Variants in CHD6 observed in about 807,000 individuals in gnomAD.
CHD6 encodes the protein ATP-dependent chromatin remodeler CHD6.
In CHD6, 50 loss-of-function variants were observed where a neutral mutation model predicts 276.9. The observed-to-expected ratio is 0.18, with a 90% confidence interval of 0.14 to 0.23. The LOEUF is 0.23. CHD6 is among the 10% of genes least tolerant of loss of function. CHD6 has a pLI of 1.00. For missense variants in CHD6, 2,564 were observed against 3,365.8 expected, an observed-to-expected ratio of 0.76 and a Z score of 5.89; for synonymous variants, 1,173 against 1,229.3, an observed-to-expected ratio of 0.95 and a Z score of 0.96.
chr20:41,547,754 C>T, intron 2 of CHD6: 1 of 542,766 alleles, frequency 1.8e-6, no homozygotes, highest in Non-Finnish European at 3.6e-6. Flanking sequence ...AGATTGTCAA[C>T]ACTGCTCGAC....
chr20:41,406,312 A>G (rs2046673252), intron 36 of CHD6, among the ~76,000 whole-genome samples: 1 of 152,214 alleles, frequency 6.6e-6, no homozygotes, highest in African/African-American at 2.4e-5. Flanking sequence ...TAATTAGCAG[A>G]GAGTTCTGCA....
chr20:41,583,296 A>G (rs2045559884), intron 1 of CHD6, among the ~76,000 whole-genome samples: 1 of 152,174 alleles, frequency 6.6e-6, no homozygotes, highest in African/African-American at 2.4e-5. Flanking sequence ...GGAAAAAGAC[A>G]TTACCTTGGA....
At chr20:41,494,158 T>A (rs2043621619) in intron 8 of CHD6, among the ~76,000 whole-genome samples, 1 of 152,226 alleles carries the variant, frequency 6.6e-6, no homozygotes, top group Non-Finnish European at 1.5e-5. Context: ...TCTTAGTGGC[T>A]ACACCCTAGC....
intron 15 of CHD6, 112 bp from the exon 16 acceptor site, chr20:41,483,631 C>T: frequency 2.6e-6 from 2 of 766,732 alleles, no homozygotes; most frequent in South Asian, 1.9e-5. Flanking sequence ...CCTAGACCAG[C>T]AGTCCAGTGA....
At chr20:41,564,697 G>C (rs1163184955) in intron 1 of CHD6, among the ~76,000 whole-genome samples, 4 of 152,122 alleles carry the variant, frequency 2.6e-5, no homozygotes, top group Non-Finnish European at 5.9e-5. Flanking sequence ...TTACTTAAAG[G>C]CTATGTTAAT....
At chr20:41,499,195 C>G in intron 6 of CHD6, 100 bp downstream of exon 6, 1 of 850,850 alleles carries the variant, frequency 1.2e-6, no homozygotes, top group Non-Finnish European at 1.8e-6. Context: ...GCTCTCACTC[C>G]AGCCAATAAT....
chr20:41,557,058 T>C (rs929940805), intron 1 of CHD6, among the ~76,000 whole-genome samples: 1 of 152,214 alleles, frequency 6.6e-6, no homozygotes, highest in African/African-American at 2.4e-5. Flanking sequence ...AATCAAAATG[T>C]AATTTCAGGG....
intron 26 of CHD6, among the ~76,000 whole-genome samples, chr20:41,438,387 C>G (rs1189543293): frequency 6.6e-6 from 1 of 151,942 alleles, no homozygotes; most frequent in South Asian, 2.1e-4. Context: ...GTCAGGAGTT[C>G]GAGACCAGCC....
At chr20:41,477,215 T>C (rs998610583) in intron 16 of CHD6, among the ~76,000 whole-genome samples, 1 of 152,020 alleles carries the variant, frequency 6.6e-6, no homozygotes, top group Non-Finnish European at 1.5e-5. Context: ...CCCTCTAGCT[T>C]GGGAGACAGA....
chr20:41,451,223 G>T, intron 22 of CHD6, 118 bp from the exon 23 acceptor site: 2 of 832,046 alleles, frequency 2.4e-6, no homozygotes, highest in Non-Finnish European at 3.8e-6. Flanking sequence ...CTGGATGGCA[G>T]ACCCTACTCC....
chr20:41,541,032 G>GAA (rs33999422), intron 2 of CHD6, among the ~76,000 whole-genome samples: 39 of 103,960 alleles, frequency 3.8e-4, no homozygotes, highest in Middle Eastern at 0.011. Flanking sequence ...ACTAAATGTA[G>GAA]AAAAAAAAAA....
At chr20:41,571,876 A>C (rs1035086717) in intron 1 of CHD6, among the ~76,000 whole-genome samples, 2 of 152,228 alleles carry the variant, frequency 1.3e-5, no homozygotes, top group African/African-American at 4.8e-5. Context: ...CTGTGTAACC[A>C]GCATCCCCAT....
chr20:41,458,779 G>A (rs1420101643), intron 17 of CHD6, among the ~76,000 whole-genome samples: 3 of 151,992 alleles, frequency 2.0e-5, no homozygotes, highest in Non-Finnish European at 2.9e-5. Context: ...CTCTTTTAGC[G>A]GGAATGTTTT....
intron 8 of CHD6, among the ~76,000 whole-genome samples, chr20:41,495,043 TAA>T (rs11317496): frequency 3.0e-4 from 45 of 148,846 alleles, no homozygotes; most frequent in African/African-American, 3.4e-4. Flanking sequence ...CTATCTGGGT[TAA>T]AAAAAAAAAA....
At chr20:41,509,543 T>A (rs767302941) in intron 5 of CHD6, among the ~76,000 whole-genome samples, 3 of 152,066 alleles carry the variant, frequency 2.0e-5, no homozygotes, top group Non-Finnish European at 4.4e-5. Flanking sequence ...CTGCCAGGTA[T>A]AGAAAAAGGC....
intron 30 of CHD6, 48 bp from the exon 31 acceptor site, chr20:41,422,127 A>T (rs545148623): frequency 6.5e-7 from 1 of 1,542,058 alleles, no homozygotes; most frequent in Admixed American, 1.9e-5. Context: ...GACCTCAGAC[A>T]CTCCCCGCCC....
intron 36 of CHD6, among the ~76,000 whole-genome samples, chr20:41,406,477 G>A (rs111717901): frequency 1.3e-5 from 2 of 152,338 alleles, no homozygotes; most frequent in African/African-American, 4.8e-5. Context: ...AGCAGCATCA[G>A]CGAGCGGAAG....
chr20:41,432,232 T>C (rs975543273), intron 27 of CHD6, among the ~76,000 whole-genome samples: 8 of 151,148 alleles, frequency 5.3e-5, no homozygotes, highest in African/African-American at 1.7e-4. Flanking sequence ...AGAGGTAGGT[T>C]AGCAGGTTAG....
At chr20:41,541,676 G>A (rs961228382) in intron 2 of CHD6, among the ~76,000 whole-genome samples, 1 of 152,212 alleles carries the variant, frequency 6.6e-6, no homozygotes, top group South Asian at 2.1e-4. Flanking sequence ...CCTGAAGCCT[G>A]AAGAAGAGAG....
Sources: gnomAD v4.1 joint callset for allele counts (sites outside exome capture counted in the v4.1 genomes callset) on GRCh38, gnomAD v4.1.1 for gene constraint, MANE v1.5 for transcripts, NCBI Gene and HGNC (gene_info 2026-07-23, HGNC 2026-07-21) for gene names.